BTBD8: variants seen among roughly 807,000 people sequenced by gnomAD.
BTBD8 encodes the protein BTB domain containing 8.
Under a neutral mutation model 162.9 loss-of-function variants are expected in BTBD8, and 110 were observed. The ratio of observed to expected loss-of-function variants is 0.68; its 90% confidence interval spans 0.58 to 0.79. The LOEUF (loss-of-function observed/expected upper bound fraction) is 0.79, where lower values mean the gene tolerates loss of function less well. Ranked by LOEUF, BTBD8 falls within the 30% of genes least tolerant of loss-of-function variation. The pLI, the probability that BTBD8 is intolerant of heterozygous loss-of-function variation, is 0.00. For synonymous variants in BTBD8, 667 were observed against 716.1 expected, an observed-to-expected ratio of 0.93 and a Z score of 1.10; for missense variants, 1,905 against 2,085.4, an observed-to-expected ratio of 0.91 and a Z score of 1.68.
In BTBD8 at chr1:92,110,937, G is replaced by T. The variant is rs181818303; in HGVS notation, c.662+2936G>T. Among the ~76,000 whole-genome samples the T allele has an allele frequency of 4.0e-4, 61 of 150,866 alleles. 2 individuals carry two copies. In the East Asian group the frequency reaches 0.011, roughly 27 times the overall value. On this transcript the variant is annotated intron_variant, in intron 4 of 17. Transcript: ENST00000636805. ...TTAAGATAATTTGTTGCACTTCTAT[G>T]TTCCATAATTAAAATTCTCTTATGC... is the stretch of plus-strand genomic sequence containing the variant.
chr1:92,106,690 G>C (rs1308548888), intron 3 of BTBD8, among the ~76,000 whole-genome samples: 1 of 42,474 alleles, frequency 2.4e-5, no homozygotes, highest in South Asian at 8.8e-4. Context: ...AAAAAAAAAA[G>C]TGTAGTCCTT....
chr1:92,180,795 T>C lies in BTBD8; in HGVS notation c.3112T>C (p.Leu1038=). ...CQNISKLDKS[L]KHELESKQIC... Reference sequence around the variant, plus strand: ...AAATATTTCAAAGCTGGATAAATCATTAAAACACGAACTGGAATCAAAACA... The same window carrying C: ...AAATATTTCAAAGCTGGATAAATCACTAAAACACGAACTGGAATCAAAACA... Residue 1038 remains leucine, a synonymous_variant, in exon 17 of 18, where the codon TTA becomes CTA. Coordinates refer to ENST00000636805, the MANE Select transcript of BTBD8 (RefSeq NM_001376131.1). 2 of 1,551,638 alleles carry C rather than the reference T, an allele frequency of 1.3e-6. No individual in the cohort carries two copies. Among genetic ancestry groups the C allele is most frequent in the Non-Finnish European group, 1.7e-6 (2 of 1,146,970 alleles).
rs1190997492 is a variant in BTBD8, at chr1:92,177,394, T to C, written c.2201T>C (p.Met734Thr). Residue 734 changes from methionine (M) to threonine (T), a missense_variant, in exon 14 of 18, where the codon ATG becomes ACG. Transcript: ENST00000636805. ...GPSSRSTDSS[M>T]EFSISTECLD... is the part of the protein sequence containing the mutation. ...TCCAGCAGATCCACAGATTCAAGTA[T>C]GGAATTCTCAATTTCCACTGAATGT... 4 of 1,551,608 alleles carry C rather than the reference T, an allele frequency of 2.6e-6. No individual in the cohort carries two copies. The highest frequency in any genetic ancestry group is 3.9e-5 in the Admixed American group (2 of 50,978).
Position 92,171,447 on chromosome 1 carries a change from T to G in BTBD8, c.1622T>G (p.Phe541Cys). 1 of 1,527,246 alleles carries G rather than the reference T, an allele frequency of 6.5e-7. No homozygotes were observed. Among genetic ancestry groups the G allele is most frequent in the Non-Finnish European group, 8.8e-7 (1 of 1,134,188 alleles). 94.6% of individuals were successfully genotyped at this position (1,527,246 alleles called of 1,614,324 possible). Reference protein sequence around the residue: ...DDRRLGKKPIFSSSQQRKQVS... With the variant: ...DDRRLGKKPICSSSQQRKQVS... The stretch of plus-strand genomic sequence containing the variant: ...CGAAGACTTGGCAAAAAGCCTATAT[T>G]CAGTAGCTCGCAGGTAAACTTTCTA... Residue 541 changes from phenylalanine (F) to cysteine (C), a missense_variant, in exon 13 of 18, where the codon TTC (phenylalanine) becomes TGC (cysteine). Physicochemically the swap from Phe to Cys is radical, Grantham distance 205. Coordinates refer to ENST00000636805, the MANE Select transcript of BTBD8 (RefSeq NM_001376131.1).
chr1:92,182,229 G>A lies in BTBD8; in HGVS notation c.4546G>A (p.Asp1516Asn). ...SVCKNESTVL[D>N]LSSIDSSRKN... ...ATGTAAAAATGAAAGCACTGTCTTG[G>A]ATCTTAGTAGCATTGACTCTTCAAG... Residue 1516 changes from aspartate to asparagine, a missense_variant, in exon 17 of 18, where the codon GAT becomes AAT. Physicochemically the swap from Asp to Asn is conservative, Grantham distance 23. Coordinates refer to ENST00000636805, the MANE Select transcript of BTBD8 (RefSeq NM_001376131.1). The A allele has an allele frequency of 6.4e-7, 1 of 1,550,794 alleles. No individual in the cohort carries two copies. The highest frequency in any genetic ancestry group is 1.4e-5 in the African/African-American group (1 of 73,094).
chr1:92,095,165 T>G (rs1648412852), intron 2 of BTBD8, among the ~76,000 whole-genome samples: 1 of 152,228 alleles, frequency 6.6e-6, no homozygotes, highest in Non-Finnish European at 1.5e-5. Context: ...ACATTCTCTA[T>G]CTGGTTCTCA....
At chr1:92,147,843 T>C in intron 9 of BTBD8, 57 bp downstream of exon 9, 2 of 1,399,136 alleles carry the variant, frequency 1.4e-6, no homozygotes, top group African/African-American at 2.9e-5. Context: ...TTATTCAATT[T>C]TGTATAGTAC....
At chr1:92,157,063 A>G (rs1650175588) in intron 9 of BTBD8, among the ~76,000 whole-genome samples, 1 of 151,360 alleles carries the variant, frequency 6.6e-6, no homozygotes, top group South Asian at 2.1e-4. Flanking sequence ...ACTTATTGCT[A>G]TAAACTTTGC....
In BTBD8 at chr1:92,088,836, A is replaced by G; in HGVS notation, c.288A>G (p.Thr96=). The G allele has an allele frequency of 6.2e-7, 1 of 1,613,244 alleles. No homozygotes were observed. Residue 96 remains threonine (T), a synonymous_variant, in exon 2 of 18, where the codon ACA becomes ACG. Coordinates refer to ENST00000636805, the MANE Select transcript of BTBD8 (RefSeq NM_001376131.1). The part of the protein sequence containing the change: ...HTIGQTSNSL[T]NQEPIAVENV... ...TTGGACAGACATCAAATAGTTTAAC[A>G]AATCAGGAGCCTATTGCTGTGGAGA...
rs781058259 is a variant in BTBD8, at chr1:92,102,522, C to G, written c.397C>G (p.Leu133Val). ...CATAAAAAACTATGAAGAGGAAATT[C>G]TTAGGAAAAAGATAATGGAGATTGG... is the stretch of plus-strand genomic sequence containing the variant. ...RNIKNYEEEI[L>V]RKKIMEIGIS... is the part of the protein sequence containing the mutation. The change falls in exon 3 of 18, where the codon CTT becomes GTT. Residue 133 changes from leucine to valine, a missense_variant. By Grantham distance (32) the Leu-to-Val change is conservative. Transcript: ENST00000636805. 1 of 1,563,666 alleles carries G rather than the reference C, an allele frequency of 6.4e-7. No homozygotes were observed. Among genetic ancestry groups the G allele is most frequent in the Non-Finnish European group, 8.6e-7 (1 of 1,157,954 alleles).
At chr1:92,103,850 G>A (rs1285080758) in intron 3 of BTBD8, among the ~76,000 whole-genome samples, 2 of 152,146 alleles carry the variant, frequency 1.3e-5, no homozygotes, top group Non-Finnish European at 2.9e-5. Context: ...AAGTTTACTG[G>A]TGCTCTGCTC....
At chr1:92,098,002 G>A (rs1648497429) in intron 2 of BTBD8, among the ~76,000 whole-genome samples, 2 of 152,186 alleles carry the variant, frequency 1.3e-5, no homozygotes, top group African/African-American at 4.8e-5. Flanking sequence ...GCCAACAAGG[G>A]ACACTCATCA....
chr1:92,150,425 A>C (rs561956814), intron 9 of BTBD8, among the ~76,000 whole-genome samples: 24 of 152,350 alleles, frequency 1.6e-4, no homozygotes, highest in Non-Finnish European at 3.4e-4. Flanking sequence ...CAAAAATTGT[A>C]AAAAGCACCT....
intron 2 of BTBD8, among the ~76,000 whole-genome samples, chr1:92,099,800 T>A (rs1239836372): frequency 6.6e-6 from 1 of 152,240 alleles, no homozygotes; most frequent in Non-Finnish European, 1.5e-5. Context: ...TATACAAATT[T>A]GTCATCTATA....
Position 92,181,664 on chromosome 1 carries a change from T to C in BTBD8, c.3981T>C (p.Ser1327=). The C allele has an allele frequency of 6.4e-7, 1 of 1,550,846 alleles. No individual in the cohort carries two copies. The highest frequency in any genetic ancestry group is 8.7e-7 in the Non-Finnish European group (1 of 1,146,456). ...LRIEVKMKKQ[S]NNDLFQVNST... Reference sequence around the variant, plus strand: ...TTGAAGTAAAAATGAAAAAGCAAAGTAATAATGATCTTTTCCAAGTTAATT... The same window carrying C: ...TTGAAGTAAAAATGAAAAAGCAAAGCAATAATGATCTTTTCCAAGTTAATT... The change falls in exon 17 of 18, where the codon AGT becomes AGC. Residue 1327 remains serine (S), a synonymous_variant. Coordinates refer to ENST00000636805, the MANE Select transcript of BTBD8 (RefSeq NM_001376131.1).
intron 5 of BTBD8, among the ~76,000 whole-genome samples, chr1:92,132,508 A>G (rs1315937827): frequency 1.3e-5 from 2 of 152,170 alleles, no homozygotes; most frequent in Admixed American, 6.6e-5. Context: ...TTTAATTTAT[A>G]ATGGAAGTAA....
chr1:92,130,539 TACACAC>T (rs59796834), intron 5 of BTBD8, among the ~76,000 whole-genome samples: 6 of 131,122 alleles, frequency 4.6e-5, no homozygotes, highest in South Asian at 2.6e-4. Context: ...TATATATATT[TACACAC>T]ACACACACAC....
intron 2 of BTBD8, among the ~76,000 whole-genome samples, chr1:92,095,974 C>CT (rs535512186): frequency 0.085 from 12,510 of 146,672 alleles, 547 homozygotes; most frequent in African/African-American, 0.11. Context: ...AATCTTACTA[C>CT]TTTTTTTTTT....
Position 92,126,456 on chromosome 1 carries a change from C to T in BTBD8, c.663-3231C>T. On this transcript the variant is annotated intron_variant, in intron 4 of 17. Coordinates refer to ENST00000636805, the MANE Select transcript of BTBD8 (RefSeq NM_001376131.1). ...ATCCAGCAGTACAACAGTTTTGTGT[C>T]ACTGTCTGAAATCTGCCTCTTGGGC... 14 of 909,908 alleles carry T rather than the reference C, an allele frequency of 1.5e-5. No homozygotes were observed. The South Asian group carries it at 1.8e-4, about 12-fold the overall frequency. 56.4% of individuals were successfully genotyped at this position (909,908 alleles called of 1,614,324 possible).
Sources: gnomAD v4.1 joint callset for allele counts (sites outside exome capture counted in the v4.1 genomes callset) on GRCh38, gnomAD v4.1.1 for gene constraint, MANE v1.5 for transcripts, NCBI Gene and HGNC (gene_info 2026-07-23, HGNC 2026-07-21) for gene names.